TIRAP: variants seen among roughly 807,000 people sequenced by gnomAD.
The protein encoded by TIRAP is TIR domain containing adaptor protein.
A neutral mutation model predicts 19.8 loss-of-function variants in TIRAP; 20 were observed. That is an observed-to-expected ratio of 1.01 (90% CI 0.71 to 1.47). TIRAP has a LOEUF of 1.47. Among genes scored for constraint, TIRAP ranks in the 40% most tolerant of loss-of-function variants. The pLI is 0.00. For missense variants in TIRAP, 276 were observed against 285.1 expected (o/e 0.97, Z 0.23); for synonymous variants, 125 against 121.7 (o/e 1.03, Z -0.18).
intron 1 of TIRAP, among the ~76,000 whole-genome samples, 154 bp downstream of exon 1, chr11:126,283,307 G>A (rs112311849): frequency 6.6e-6 from 1 of 152,006 alleles, no homozygotes; most frequent in Non-Finnish European, 1.5e-5. Context: ...CCCTGCTGGC[G>A]GCACATCCGC....
chr11:126,288,012 C>T lies in TIRAP; in HGVS notation c.-216-2450C>T, dbSNP rs1951340832. On this transcript the variant is annotated intron_variant, in intron 1 of 4. Transcript: ENST00000392679. The surrounding 1 kb of genome is among the most constrained non-coding windows in gnomAD (Gnocchi z 5.0). The stretch of plus-strand genomic sequence containing the variant: ...CACATGATCTGCCCACCTCGGCCTC[C>T]CAAAGTGCTGGGATTACAGGGGAGC... Among the ~76,000 whole-genome samples, 1 of 152,038 alleles carries T rather than the reference C, an allele frequency of 6.6e-6. No individual in the cohort carries two copies. Among genetic ancestry groups the T allele is most frequent in the Non-Finnish European group, 1.5e-5 (1 of 68,016 alleles).
intron 1 of TIRAP, among the ~76,000 whole-genome samples, chr11:126,283,572 A>C (rs1951281423): frequency 6.6e-6 from 1 of 152,200 alleles, no homozygotes; most frequent in African/African-American, 2.4e-5. Context: ...GCATAACATT[A>C]GTTAGGGTCA....
intron 1 of TIRAP, among the ~76,000 whole-genome samples, chr11:126,285,111 T>G (rs1165310777): frequency 6.6e-6 from 1 of 151,954 alleles, no homozygotes; most frequent in Admixed American, 6.6e-5. Flanking sequence ...TGATGTCTAT[T>G]GCTCATTTGA....
At chr11:126,285,160 C>T (rs1176241271) in intron 1 of TIRAP, among the ~76,000 whole-genome samples, 1 of 151,044 alleles carries the variant, frequency 6.6e-6, no homozygotes, top group Non-Finnish European at 1.5e-5. Flanking sequence ...TTCTTCTGCT[C>T]ATTTTTCTGT....
chr11:126,284,870 AT>A (rs1477774278), intron 1 of TIRAP, among the ~76,000 whole-genome samples: 2 of 148,964 alleles, frequency 1.3e-5, no homozygotes, highest in Admixed American at 6.7e-5. Context: ...AAAAAAAAAA[AT>A]ATGTAAGCAC....
At position 126,287,318 on chromosome 11, in the gene TIRAP, A is replaced by ATT. The variant is rs34312598; in HGVS notation, c.-216-3132_-216-3131dup. ...ATATTGGATACTAAATACACTTTGG[A>ATT]TTTTTTTTTTTTTATTTTTGAGACT... On this transcript the variant is annotated intron_variant, in intron 1 of 4. Coordinates refer to ENST00000392679, the MANE Select transcript of TIRAP (RefSeq NM_001318777.2). This position sits in a 1 kb window ranked among gnomAD's most constrained non-coding sequence, Gnocchi z 4.2. Among the ~76,000 whole-genome samples the ATT allele has an allele frequency of 2.6e-4, 38 of 147,484 alleles. No homozygotes were observed. The highest frequency in any genetic ancestry group is 4.1e-4 in the Admixed American group (6 of 14,798).
rs915352861 is a variant in TIRAP at position 126,287,389 on chromosome 11, C to T, written c.-216-3073C>T. On this transcript the variant is annotated intron_variant, in intron 1 of 4. Coordinates refer to ENST00000392679, the MANE Select transcript of TIRAP (RefSeq NM_001318777.2). The surrounding 1 kb of genome is among the most constrained non-coding windows in gnomAD (Gnocchi z 4.2). ...AGGCTGGAGTGCAGTGGCATGATCT[C>T]GGCTCACTGCAACCTCCACCTCCCG... 2.0e-5 allele frequency among the ~76,000 whole-genome samples: 3 copies of T among 151,756 alleles called. No homozygotes were observed. Among genetic ancestry groups the T allele is most frequent in the East Asian group, 1.9e-4 (1 of 5,176 alleles).
chr11:126,285,243 G>GTGTATATATATATA, intron 1 of TIRAP, among the ~76,000 whole-genome samples: 3 of 106,976 alleles, frequency 2.8e-5, no homozygotes, highest in South Asian at 3.3e-4. Context: ...GTGTGTGTGT[G>GTGTATATATATATA]TATATATATA....
At position 126,294,014 on chromosome 11, in the gene TIRAP, G is replaced by T; in HGVS notation, c.*327G>T. ...TAGGAAGTGGTACTGATCAATGATG[G>T]CCAGCAGGACTCATCTCCTGCCTAA... On this transcript the variant is annotated 3_prime_UTR_variant, in exon 5 of 5. Coordinates refer to ENST00000392679, the MANE Select transcript of TIRAP (RefSeq NM_001318777.2). 1 of 384,670 alleles carries T rather than the reference G, an allele frequency of 2.6e-6. No individual in the cohort carries two copies. The highest frequency in any genetic ancestry group is 4.9e-6 in the Non-Finnish European group (1 of 204,192). The allele number at this position is 384,670 out of a possible 1,614,324, so 23.8% of individuals were successfully genotyped here.
In TIRAP at chr11:126,291,006, GTGCTCAGCCT is replaced by G. The variant is rs1208198231; in HGVS notation, c.67+46_67+55del. On this transcript the variant is annotated intron_variant, in intron 3 of 4. Coordinates refer to ENST00000392679, the MANE Select transcript of TIRAP (RefSeq NM_001318777.2). This position sits in a 1 kb window ranked among gnomAD's most constrained non-coding sequence, Gnocchi z 5.6. ...CGACTCTGCTGTGTTCCTGAGTGTA[GTGCTCAGCCT>G]CCATAGGGCGCGGTGGGAGGCCTGC... The G allele has an allele frequency of 2.3e-5, 37 of 1,575,316 alleles. No homozygotes were observed. The highest frequency in any genetic ancestry group is 3.2e-5 in the Non-Finnish European group (37 of 1,159,566).
chr11:126,291,703 G>GAT lies in TIRAP; in HGVS notation c.67+742_67+743insAT, dbSNP rs1951390850. On this transcript the variant is annotated intron_variant, in intron 3 of 4. Coordinates refer to ENST00000392679, the MANE Select transcript of TIRAP (RefSeq NM_001318777.2). The surrounding 1 kb of genome is among the most constrained non-coding windows in gnomAD (Gnocchi z 5.6). ...TCCGTACCCCTTCCTTCCTGTATAC[G>GAT]TAGCCCTTCCTAATCTAAGTCCACC... 3.8e-5 allele frequency: 14 copies of GAT among 369,440 alleles called. No homozygotes were observed. The highest frequency in any genetic ancestry group is 2.7e-4 in the South Asian group (14 of 51,058). The allele number at this position is 369,440 out of a possible 1,614,324, so 22.9% of individuals were successfully genotyped here.
At position 126,291,398 on chromosome 11, in the gene TIRAP, G is replaced by A. The variant is rs1951383281; in HGVS notation, c.67+437G>A. 3.8e-6 allele frequency: 5 copies of A among 1,310,316 alleles called. No homozygotes were observed. The highest frequency in any genetic ancestry group is 5.0e-6 in the Non-Finnish European group (5 of 993,538). The allele number at this position is 1,310,316 out of a possible 1,614,324, so 81.2% of individuals were successfully genotyped here. On this transcript the variant is annotated intron_variant, in intron 3 of 4. Transcript: ENST00000392679. The surrounding 1 kb of genome is among the most constrained non-coding windows in gnomAD (Gnocchi z 5.6). ...TATGGAGTCCCATACTCCAAACACA[G>A]ACCTGAGCAGTGTTTCTCCCCCACA...
chr11:126,283,866 C>T (rs773051145), intron 1 of TIRAP, among the ~76,000 whole-genome samples: 14 of 152,168 alleles, frequency 9.2e-5, no homozygotes, highest in Non-Finnish European at 1.8e-4. Context: ...AGAGTTGATA[C>T]GTAGGCACAC....
At chr11:126,283,396 G>GT (rs1951279088) in intron 1 of TIRAP, among the ~76,000 whole-genome samples, 1 of 152,236 alleles carries the variant, frequency 6.6e-6, no homozygotes, top group Non-Finnish European at 1.5e-5. Flanking sequence ...CACCTTTTCT[G>GT]TCGCAAAGAA....
At position 126,294,007 on chromosome 11, in the gene TIRAP, A is replaced by G. The variant is rs1227699704; in HGVS notation, c.*320A>G. ...GAGGTGGTAGGAAGTGGTACTGATC[A>G]ATGATGGCCAGCAGGACTCATCTCC... is the stretch of plus-strand genomic sequence containing the variant. On this transcript the variant is annotated 3_prime_UTR_variant, in exon 5 of 5. Transcript: ENST00000392679. 2.5e-6 allele frequency: 1 copy of G among 400,968 alleles called. No individual in the cohort carries two copies. Among genetic ancestry groups the G allele is most frequent in the Non-Finnish European group, 4.7e-6 (1 of 214,104 alleles). 24.8% of individuals were successfully genotyped at this position (400,968 alleles called of 1,614,324 possible). A position where few individuals can be genotyped will look rare whatever the true frequency, so the allele number is the denominator to read the frequency against.
rs1457047065 is a variant in TIRAP at position 126,285,780 on chromosome 11, G to A, written c.-217+2627G>A. Among the ~76,000 whole-genome samples the A allele has an allele frequency of 2.6e-5, 4 of 151,776 alleles. No individual in the cohort carries two copies. The East Asian group carries it at 7.8e-4, about 29-fold the overall frequency. On this transcript the variant is annotated intron_variant, in intron 1 of 4. Coordinates refer to ENST00000392679, the MANE Select transcript of TIRAP (RefSeq NM_001318777.2). ...AAGCTGGGCATGGTGGCTCATGCCTGTAATCCCAGCACTTTGGGAGGCTGA... is the reference window on the plus strand; with the variant it reads ...AAGCTGGGCATGGTGGCTCATGCCTATAATCCCAGCACTTTGGGAGGCTGA...
rs1360071783 is a variant in TIRAP, at chr11:126,287,517, C to T, written c.-216-2945C>T. ...TGTATTTTTAGTAGAGACAGGGTTT[C>T]ACCATGTTGGCCAGGCTGATCTCAA... On this transcript the variant is annotated intron_variant, in intron 1 of 4. Coordinates refer to ENST00000392679, the MANE Select transcript of TIRAP (RefSeq NM_001318777.2). The surrounding 1 kb of genome is among the most constrained non-coding windows in gnomAD (Gnocchi z 4.2). Among the ~76,000 whole-genome samples, 2 of 152,118 alleles carry T rather than the reference C, an allele frequency of 1.3e-5. No individual in the cohort carries two copies. Among genetic ancestry groups the T allele is most frequent in the Non-Finnish European group, 2.9e-5 (2 of 68,026 alleles).
intron 1 of TIRAP, among the ~76,000 whole-genome samples, chr11:126,284,389 A>T (rs1951293180): frequency 6.6e-6 from 1 of 151,806 alleles, no homozygotes; most frequent in South Asian, 2.1e-4. Context: ...TGTGATATTC[A>T]CCCATGTTTA....
chr11:126,291,224 T>C lies in TIRAP; in HGVS notation c.67+263T>C. On this transcript the variant is annotated intron_variant, in intron 3 of 4. Coordinates refer to ENST00000392679, the MANE Select transcript of TIRAP (RefSeq NM_001318777.2). The surrounding 1 kb of genome is among the most constrained non-coding windows in gnomAD (Gnocchi z 5.6). ...CTAGCTTTCCTAGCCTGGAAACCAC[T>C]GTGCTGAGTGCTTAACACTGTCTCT... The C allele has an allele frequency of 6.8e-6, 4 of 586,384 alleles. No individual in the cohort carries two copies. The highest frequency in any genetic ancestry group is 4.8e-4 in the Middle Eastern group (1 of 2,102). The allele number at this position is 586,384 out of a possible 1,614,324, so 36.3% of individuals were successfully genotyped here.
Sources: gnomAD v4.1 joint callset for allele counts (sites outside exome capture counted in the v4.1 genomes callset) on GRCh38, gnomAD v4.1.1 for gene constraint, Gnocchi (gnomAD v3.1) non-coding constraint, MANE v1.5 for transcripts, NCBI Gene and HGNC (gene_info 2026-07-23, HGNC 2026-07-21) for gene names.